Variants in ADAM9 observed in about 807,000 individuals in gnomAD.
ADAM9 encodes the protein disintegrin and metalloproteinase domain-containing protein 9.
A neutral mutation model predicts 108.1 loss-of-function variants in ADAM9; 54 were observed. The ratio of observed to expected loss-of-function variants is 0.50; its 90% CI spans 0.40 to 0.63. The LOEUF is 0.63. Among genes scored for constraint, ADAM9 ranks in the 20% least tolerant of loss-of-function variants. The pLI is 0.00. For missense variants in ADAM9, 830 were observed against 997.7 expected (o/e 0.83, Z 2.26); for synonymous variants, 316 against 336.0 (o/e 0.94, Z 0.65).
chr8:39,065,186 C>T (rs553305276), intron 14 of ADAM9, among the ~76,000 whole-genome samples: 1 of 149,232 alleles, frequency 6.7e-6, no homozygotes, highest in South Asian at 2.1e-4. Context: ...CTTATCTTTC[C>T]TGTCTTTTTA....
chr8:39,034,698 T>C (rs1174365878), intron 11 of ADAM9, among the ~76,000 whole-genome samples: 1 of 152,216 alleles, frequency 6.6e-6, no homozygotes, highest in Non-Finnish European at 1.5e-5. Context: ...GATTTTTCCA[T>C]TGTCTTTTGC....
intron 14 of ADAM9, among the ~76,000 whole-genome samples, chr8:39,070,759 T>TA (rs79278083): frequency 2.4e-3 from 318 of 135,042 alleles, no homozygotes; most frequent in Middle Eastern, 0.011. Flanking sequence ...TCCTGTCTCT[T>TA]AAAAAAAAAA....
intron 21 of ADAM9, among the ~76,000 whole-genome samples, chr8:39,102,307 A>G (rs761727803): frequency 6.6e-6 from 1 of 152,196 alleles, no homozygotes; most frequent in East Asian, 1.9e-4. Flanking sequence ...GGCATAGAAG[A>G]CTAAAGAAGT....
At chr8:39,094,230 T>C (rs1839435052) in intron 20 of ADAM9, among the ~76,000 whole-genome samples, 1 of 152,242 alleles carries the variant, frequency 6.6e-6, no homozygotes, top group Admixed American at 6.5e-5. Flanking sequence ...TGTTATTTAT[T>C]GATTTGAATA....
intron 15 of ADAM9, among the ~76,000 whole-genome samples, chr8:39,074,274 T>G (rs1838786820): frequency 6.6e-6 from 1 of 152,194 alleles, no homozygotes; most frequent in African/African-American, 2.4e-5. Flanking sequence ...GTATATACAT[T>G]TATAAACATA....
rs554544051 is a variant in ADAM9 at position 39,077,581 on chromosome 8, C to A, written c.1881+170C>A. 3.0e-3 allele frequency among the ~76,000 whole-genome samples: 457 copies of A among 152,264 alleles called. 2 individuals are homozygous for A. Among genetic ancestry groups the A allele is most frequent in the Admixed American group, 5.0e-3 (77 of 15,284 alleles). ...AAATTAAGAACTATAATTCTGTTATCCACATTTCCTTACTGGGGTCAGATA... is the reference window on the plus strand; with the variant it reads ...AAATTAAGAACTATAATTCTGTTATACACATTTCCTTACTGGGGTCAGATA... On this transcript the variant is annotated intron_variant, in intron 16 of 21. Coordinates refer to ENST00000487273, the MANE Select transcript of ADAM9 (RefSeq NM_003816.3).
At position 39,063,123 on chromosome 8, in the gene ADAM9, C is replaced by A. The variant is rs193143133; in HGVS notation, c.1591+7351C>A. ...ATGTTCCTCCCACCATTATCTCACGCCCTTAATATCCATTCCCACACATGT... is the reference window on the plus strand; with the variant it reads ...ATGTTCCTCCCACCATTATCTCACGACCTTAATATCCATTCCCACACATGT... On this transcript the variant is annotated intron_variant, in intron 14 of 21. Coordinates refer to ENST00000487273, the MANE Select transcript of ADAM9 (RefSeq NM_003816.3). Among the ~76,000 whole-genome samples the A allele has an allele frequency of 2.8e-3, 429 of 152,322 alleles. 3 individuals carry two copies. The highest frequency in any genetic ancestry group is 5.0e-3 in the Non-Finnish European group (338 of 68,020).
chr8:39,096,314 TTTC>T (rs1839503508), intron 20 of ADAM9, among the ~76,000 whole-genome samples: 5 of 151,520 alleles, frequency 3.3e-5, no homozygotes, highest in East Asian at 1.9e-4. Flanking sequence ...TGATTCTCAT[TTTC>T]CTTTGTGCAT....
intron 12 of ADAM9, among the ~76,000 whole-genome samples, chr8:39,053,853 A>G (rs895113040): frequency 2.6e-5 from 4 of 152,192 alleles, no homozygotes; most frequent in Admixed American, 6.6e-5. Context: ...CCTCTCTGTG[A>G]TCATCAAACA....
At chr8:39,065,240 C>T (rs1454467803) in intron 14 of ADAM9, among the ~76,000 whole-genome samples, 2 of 148,630 alleles carry the variant, frequency 1.3e-5, no homozygotes, top group African/African-American at 2.5e-5. Flanking sequence ...ACTTTCTGAG[C>T]AACTTCTTCA....
At chr8:39,096,356 TTGC>T (rs1253818772) in intron 20 of ADAM9, among the ~76,000 whole-genome samples, 13 of 126,090 alleles carry the variant, frequency 1.0e-4, no homozygotes, top group East Asian at 5.9e-4. Flanking sequence ...TGTGATATCT[TTGC>T]AATTACATAA....
intron 18 of ADAM9, among the ~76,000 whole-genome samples, chr8:39,084,822 C>T (rs1169989377): frequency 1.3e-5 from 2 of 152,126 alleles, no homozygotes; most frequent in Non-Finnish European, 2.9e-5. Context: ...GCCAATTTGC[C>T]TATTTCTCTT....
intron 16 of ADAM9, among the ~76,000 whole-genome samples, chr8:39,081,818 G>A (rs1839032934): frequency 6.6e-6 from 1 of 152,092 alleles, no homozygotes; most frequent in Admixed American, 6.5e-5. Flanking sequence ...AGATCAGTTG[G>A]TTAGTTACCT....
intron 14 of ADAM9, among the ~76,000 whole-genome samples, chr8:39,056,889 A>C (rs1838141494): frequency 6.6e-6 from 1 of 152,164 alleles, no homozygotes; most frequent in Non-Finnish European, 1.5e-5. Flanking sequence ...TCTCTAGAGA[A>C]ATGGAACCAT....
chr8:39,017,547 G>T (rs1426393404), intron 6 of ADAM9, 133 bp downstream of exon 6: 1 of 848,884 alleles, frequency 1.2e-6, no homozygotes, highest in Middle Eastern at 3.2e-4. Context: ...GCCAGACATT[G>T]TGATAGGTAC....
chr8:39,006,320 T>G (rs1836159858), intron 1 of ADAM9, among the ~76,000 whole-genome samples: 1 of 152,186 alleles, frequency 6.6e-6, no homozygotes, highest in Non-Finnish European at 1.5e-5. Context: ...TTGGATATGA[T>G]ATAATTTATG....
chr8:39,003,505 A>G (rs965264165), intron 1 of ADAM9, among the ~76,000 whole-genome samples: 4 of 150,708 alleles, frequency 2.7e-5, no homozygotes, highest in African/African-American at 9.7e-5. Flanking sequence ...AAAAACAACT[A>G]AAGGGAATTT....
At position 39,071,398 on chromosome 8, in the gene ADAM9, C is replaced by T. The variant is rs755665748; in HGVS notation, c.1692C>T (p.Ala564=). 8 of 1,612,580 alleles carry T rather than the reference C, an allele frequency of 5.0e-6. No individual in the cohort carries two copies. The East Asian group carries it at 8.9e-5, about 18-fold the overall frequency. ...CTGGCAATGAATACAAGAAGTGTGC[C>T]ACTGGGTAAGTGGAGGTGCGGTCAT... ...GFSGNEYKKC[A]TGNALCGKLQ... Residue 564 remains alanine (A), a synonymous_variant, in exon 15 of 22, where the codon GCC becomes GCT. Transcript: ENST00000487273.
intron 20 of ADAM9, among the ~76,000 whole-genome samples, chr8:39,091,902 C>T (rs995726664): frequency 1.3e-5 from 2 of 152,142 alleles, no homozygotes; most frequent in African/African-American, 2.4e-5. Flanking sequence ...TGACATGGGA[C>T]GTATGCTATC....
Sources: gnomAD v4.1 joint callset for allele counts (sites outside exome capture counted in the v4.1 genomes callset) on GRCh38, gnomAD v4.1.1 for gene constraint, MANE v1.5 for transcripts, NCBI Gene and HGNC (gene_info 2026-07-23, HGNC 2026-07-21) for gene names.